ARHGEF3: variants seen among roughly 807,000 people sequenced by gnomAD.
ARHGEF3 encodes the protein 59.8 kDA protein.
ARHGEF3 carries 28 observed loss-of-function variants against 63.2 expected under a neutral mutation model. The ratio of observed to expected loss-of-function variants is 0.44; its 90% CI spans 0.33 to 0.61. ARHGEF3 has a LOEUF of 0.61. Ranked by LOEUF, ARHGEF3 falls within the 20% of genes least tolerant of loss-of-function variation. ARHGEF3 has a pLI of 0.03. For missense variants in ARHGEF3, 533 were observed against 659.3 expected, an observed-to-expected ratio of 0.81 and a Z score of 2.10; for synonymous variants, 266 against 254.2, an observed-to-expected ratio of 1.05 and a Z score of -0.44.
At chr3:56,915,428 T>C (rs564987794) in intron 3 of ARHGEF3, among the ~76,000 whole-genome samples, 1 of 152,236 alleles carries the variant, frequency 6.6e-6, no homozygotes, top group South Asian at 2.1e-4. Context: ...ATTGTGCCAC[T>C]ATATTCCAGC....
intron 3 of ARHGEF3, among the ~76,000 whole-genome samples, chr3:56,893,212 C>G (rs1274272438): frequency 6.6e-6 from 1 of 152,128 alleles, no homozygotes; most frequent in African/African-American, 2.4e-5. Flanking sequence ...GGGTCTCACT[C>G]TGCCACCCAG....
chr3:57,044,285 C>T (rs1704352464), intron 1 of ARHGEF3, among the ~76,000 whole-genome samples: 1 of 152,222 alleles, frequency 6.6e-6, no homozygotes, highest in African/African-American at 2.4e-5. Flanking sequence ...GCCATGGAGG[C>T]ATCACCACCA....
intron 4 of ARHGEF3, among the ~76,000 whole-genome samples, chr3:56,828,159 G>A (rs562790445): frequency 6.6e-6 from 1 of 152,112 alleles, no homozygotes; most frequent in Non-Finnish European, 1.5e-5. Context: ...CTGAGACTCA[G>A]AAGGGTTAAG....
intron 1 of ARHGEF3, among the ~76,000 whole-genome samples, chr3:56,800,111 G>A (rs2037567181): frequency 6.6e-6 from 1 of 152,222 alleles, no homozygotes; most frequent in African/African-American, 2.4e-5. Context: ...AAGCAGGCAA[G>A]TTTTACCTAA....
At chr3:56,854,087 G>A (rs1018946230) in intron 4 of ARHGEF3, among the ~76,000 whole-genome samples, 3 of 152,058 alleles carry the variant, frequency 2.0e-5, no homozygotes, top group African/African-American at 7.2e-5. Context: ...CCCAGCTACT[G>A]GGGAGGCTGA....
chr3:57,011,098 A>T (rs1702681109), intron 2 of ARHGEF3, among the ~76,000 whole-genome samples: 1 of 152,296 alleles, frequency 6.6e-6, no homozygotes, highest in Middle Eastern at 3.4e-3. Context: ...TGTAGGAGCT[A>T]TGATGAACAT....
At chr3:56,732,768 G>A (rs947758506) in intron 8 of ARHGEF3, among the ~76,000 whole-genome samples, 41 of 152,192 alleles carry the variant, frequency 2.7e-4, no homozygotes, top group African/African-American at 9.9e-4. Context: ...AGAAAAAAAC[G>A]AGAAAGGGAA....
intron 3 of ARHGEF3, among the ~76,000 whole-genome samples, chr3:56,891,398 C>T (rs1265071229): frequency 6.6e-6 from 1 of 151,144 alleles, no homozygotes; most frequent in Non-Finnish European, 1.5e-5. Flanking sequence ...TTCTAGGATC[C>T]AGGAACCCCA....
intron 1 of ARHGEF3, among the ~76,000 whole-genome samples, chr3:57,059,830 C>G (rs1045572298): frequency 2.0e-5 from 3 of 151,886 alleles, no homozygotes; most frequent in South Asian, 2.1e-4. Context: ...AACCCCATCT[C>G]TACTAAAAAT....
chr3:56,816,950 A>G (rs1225386003), intron 4 of ARHGEF3, among the ~76,000 whole-genome samples: 2 of 152,230 alleles, frequency 1.3e-5, no homozygotes, highest in African/African-American at 4.8e-5. Context: ...ACTTGGGTCC[A>G]GTCCTGTGAC....
intron 2 of ARHGEF3, chr3:57,007,242 T>C: frequency 7.8e-7 from 1 of 1,289,824 alleles, no homozygotes; most frequent in Admixed American, 2.3e-5. Context: ...AATAACACCA[T>C]ACTTCAGCCA....
At chr3:57,047,078 G>A (rs1319419713) in intron 1 of ARHGEF3, among the ~76,000 whole-genome samples, 1 of 152,234 alleles carries the variant, frequency 6.6e-6, no homozygotes. Context: ...ACCTGGTGTG[G>A]TGGCTAACGC....
intron 4 of ARHGEF3, among the ~76,000 whole-genome samples, chr3:56,856,010 A>T (rs1390391070): frequency 1.3e-5 from 2 of 152,166 alleles, no homozygotes; most frequent in Admixed American, 6.5e-5. Flanking sequence ...GTGACATTTC[A>T]TTGTTTTACT....
At position 57,042,859 on chromosome 3, in the gene ARHGEF3, G is replaced by T. The variant is rs190250975; in HGVS notation, c.-27-7683C>A. Among the ~76,000 whole-genome samples, 150 of 150,796 alleles carry T rather than the reference G, an allele frequency of 9.9e-4. 1 individual carries two copies. The highest frequency in any genetic ancestry group is 3.5e-3 in the African/African-American group (142 of 41,128). On this transcript the variant is annotated intron_variant, in intron 1 of 12. Transcript: ENST00000338458. ...CTACAGGCGCCCGCCACCATGCTCA[G>T]CTAGTTTTTTTGTATTTTCAGTACA...
At chr3:56,895,076 C>A (rs1272794519) in intron 3 of ARHGEF3, among the ~76,000 whole-genome samples, 1 of 152,174 alleles carries the variant, frequency 6.6e-6, no homozygotes, top group African/African-American at 2.4e-5. Context: ...TGTTTAGGGG[C>A]CCTCTACCTC....
intron 4 of ARHGEF3, among the ~76,000 whole-genome samples, chr3:56,861,544 C>T (rs2040071848): frequency 6.6e-6 from 1 of 152,174 alleles, no homozygotes; most frequent in Non-Finnish European, 1.5e-5. Flanking sequence ...AAAGCAGAGG[C>T]TTCAAAGTTC....
chr3:56,980,561 G>A (rs1306806062), intron 2 of ARHGEF3, among the ~76,000 whole-genome samples: 1 of 152,188 alleles, frequency 6.6e-6, no homozygotes, highest in Non-Finnish European at 1.5e-5. Context: ...TTAGCTCTTA[G>A]AAGAGCTAAG....
intron 2 of ARHGEF3, among the ~76,000 whole-genome samples, chr3:56,765,971 T>G (rs2035683341): frequency 6.6e-6 from 1 of 151,932 alleles, no homozygotes; most frequent in Admixed American, 6.5e-5. Flanking sequence ...ACTGCAAAAG[T>G]ATAATTGTAT....
intron 1 of ARHGEF3, among the ~76,000 whole-genome samples, chr3:57,045,535 A>C (rs1231196708): frequency 1.3e-5 from 2 of 152,172 alleles, no homozygotes; most frequent in Non-Finnish European, 2.9e-5. Context: ...CCTCCTCCTC[A>C]CCACAAGCAA....
Sources: allele counts gnomAD v4.1 joint callset (sites outside exome capture counted in the v4.1 genomes callset), GRCh38; gene constraint gnomAD v4.1.1; transcripts MANE v1.5; gene names NCBI Gene and HGNC (gene_info 2026-07-23, HGNC 2026-07-21).